The following TUSC3 variants were observed in gnomAD, a reference collection of about 807,000 sequenced individuals.
TUSC3 encodes tumor suppressor candidate 3.
Under a neutral mutation model 44.8 loss-of-function variants are expected in TUSC3, and 45 were observed. The ratio of observed to expected loss-of-function variants is 1.00; its 90% confidence interval spans 0.79 to 1.29. The LOEUF is 1.29. TUSC3 is among the 50% of genes most tolerant of loss of function. The pLI is 0.00. For synonymous variants in TUSC3, 212 were observed against 152.9 expected, an observed-to-expected ratio of 1.39 and a Z score of -2.85; for missense variants, 519 against 437.9, an observed-to-expected ratio of 1.19 and a Z score of -1.65.
chr8:15,641,359 C>G (rs1189752098), intron 2 of TUSC3, among the ~76,000 whole-genome samples: 1 of 86,602 alleles, frequency 1.2e-5, no homozygotes, highest in South Asian at 3.8e-4. Flanking sequence ...GAGACTCCGT[C>G]TCAAAAAAAA....
chr8:15,844,995 A>T, the TUSC3 span, among the ~76,000 whole-genome samples: 1 of 152,198 alleles, frequency 6.6e-6, no homozygotes, highest in Non-Finnish European at 1.5e-5. Flanking sequence ...AAAAAAATAC[A>T]ATAGAAACAG....
intron 1 of TUSC3, among the ~76,000 whole-genome samples, chr8:15,550,594 C>A (rs985351070): frequency 6.6e-6 from 1 of 151,556 alleles, no homozygotes; most frequent in African/African-American, 2.4e-5. Flanking sequence ...CCTGTCCTTT[C>A]GCCACTTTCA....
At chr8:15,642,598 A>G (rs1806422950) in intron 2 of TUSC3, among the ~76,000 whole-genome samples, 1 of 152,140 alleles carries the variant, frequency 6.6e-6, no homozygotes, top group Non-Finnish European at 1.5e-5. Context: ...TCTTTACCAC[A>G]TGAAGCTGAA....
At chr8:15,457,817 ATAAT>A (rs1188545983) in intron 1 of TUSC3, among the ~76,000 whole-genome samples, 7 of 58,152 alleles carry the variant, frequency 1.2e-4, no homozygotes, top group South Asian at 3.8e-4. Context: ...AATTTATTAG[ATAAT>A]TAATTATTAA....
chr8:15,703,362 A>AT (rs1234816278), intron 6 of TUSC3, among the ~76,000 whole-genome samples: 1 of 152,018 alleles, frequency 6.6e-6, no homozygotes, highest in Non-Finnish European at 1.5e-5. Flanking sequence ...CTAAGTGGGA[A>AT]TTTTTTCTTC....
chr8:15,570,125 T>A (rs1026372227), intron 1 of TUSC3, among the ~76,000 whole-genome samples: 5 of 152,150 alleles, frequency 3.3e-5, no homozygotes, highest in African/African-American at 9.7e-5. Flanking sequence ...GTCCATCGCA[T>A]TATAAATTCT....
In TUSC3 at chr8:15,533,085, C is replaced by T. The variant is rs1047092157; in HGVS notation, n.189+49602C>T. ...GGATTACAGGTATGAGCCACCACGC[C>T]CAGACCGATTTGATAGTTTTAAAAA... On this transcript the variant is annotated intron_variant and non_coding_transcript_variant, in intron 2 of 5. Coordinates refer to the TUSC3 transcript ENST00000503191. Among the ~76,000 whole-genome samples, 16 of 152,200 alleles carry T rather than the reference C, an allele frequency of 1.1e-4. 1 individual carries two copies. Among genetic ancestry groups the T allele is most frequent in the Non-Finnish European group, 1.9e-4 (13 of 68,044 alleles).
chr8:15,560,419 C>G (rs1329534184), intron 1 of TUSC3, among the ~76,000 whole-genome samples: 9 of 146,676 alleles, frequency 6.1e-5, no homozygotes, highest in Non-Finnish European at 1.1e-4. Flanking sequence ...CGACCTTTCT[C>G]TCTGGCTGCC....
At chr8:15,775,201 G>C in the TUSC3 span, among the ~76,000 whole-genome samples, 2 of 152,112 alleles carry the variant, frequency 1.3e-5, no homozygotes. Flanking sequence ...AAAGATGCCA[G>C]ATACGAAAAG....
intron 6 of TUSC3, among the ~76,000 whole-genome samples, chr8:15,703,396 A>C (rs1168326214): frequency 2.0e-5 from 3 of 152,076 alleles, no homozygotes; most frequent in Non-Finnish European, 2.9e-5. Flanking sequence ...TTTGGGTTGC[A>C]GTTGAGTTGG....
chr8:15,828,077 C>T, the TUSC3 span, among the ~76,000 whole-genome samples: 1 of 150,506 alleles, frequency 6.6e-6, no homozygotes, highest in East Asian at 2.0e-4. Context: ...TCACTGCAAC[C>T]TCCACCTCCC....
At chr8:15,619,733 A>G (rs1227742472) in intron 1 of TUSC3, among the ~76,000 whole-genome samples, 1 of 152,104 alleles carries the variant, frequency 6.6e-6, no homozygotes, top group African/African-American at 2.4e-5. Context: ...GATGGTCTCC[A>G]TCTCCTGACC....
intron 9 of TUSC3, among the ~76,000 whole-genome samples, chr8:15,755,755 G>T (rs764815958): frequency 1.1e-4 from 16 of 152,048 alleles, no homozygotes; most frequent in Non-Finnish European, 2.4e-4. Flanking sequence ...AAAGTAGAAG[G>T]TGTTATGTTC....
rs150930557 is a variant in TUSC3 at position 15,485,561 on chromosome 8, C to T, written n.189+2078C>T. Among the ~76,000 whole-genome samples, 1,264 of 147,918 alleles carry T rather than the reference C, an allele frequency of 8.5e-3. 8 individuals are homozygous for T. The highest frequency in any genetic ancestry group is 0.012 in the Non-Finnish European group (830 of 67,634). Reference sequence around the variant, plus strand: ...TGCTCCTCCTCATTGGGCCTACAAACACGAGCTAAACAAAGAGACAGATAC... The same window carrying T: ...TGCTCCTCCTCATTGGGCCTACAAATACGAGCTAAACAAAGAGACAGATAC... On this transcript the variant is annotated intron_variant and non_coding_transcript_variant, in intron 2 of 5. Transcript: ENST00000503191.
the TUSC3 span, among the ~76,000 whole-genome samples, chr8:15,788,064 CTG>C: frequency 6.6e-6 from 1 of 152,174 alleles, no homozygotes; most frequent in Non-Finnish European, 1.5e-5. Context: ...CCCTGTCCCT[CTG>C]TAGTCCTTCC....
chr8:15,445,690 A>T (rs1044876734), intron 1 of TUSC3, among the ~76,000 whole-genome samples: 1 of 152,234 alleles, frequency 6.6e-6, no homozygotes, highest in African/African-American at 2.4e-5. Context: ...AGTACAAAAC[A>T]AAATGGAGTC....
intron 1 of TUSC3, among the ~76,000 whole-genome samples, chr8:15,582,744 A>G (rs1044102456): frequency 3.9e-5 from 6 of 152,226 alleles, no homozygotes; most frequent in African/African-American, 1.4e-4. Flanking sequence ...GTTTTATCTA[A>G]TAGCTGCTGG....
chr8:15,517,991 A>G (rs1413730426), intron 2 of TUSC3, among the ~76,000 whole-genome samples: 1 of 151,380 alleles, frequency 6.6e-6, no homozygotes, highest in Non-Finnish European at 1.5e-5. Flanking sequence ...AACAAAAAAA[A>G]ACCCCCATAC....
intron 2 of TUSC3, among the ~76,000 whole-genome samples, chr8:15,508,508 C>T (rs1241880235): frequency 1.7e-5 from 2 of 119,594 alleles, no homozygotes; most frequent in Admixed American, 1.2e-4. Context: ...GTTGCCCAGG[C>T]TGGAGTGCAG....
Sources: gnomAD v4.1 joint callset for allele counts (sites outside exome capture counted in the v4.1 genomes callset) on GRCh38, gnomAD v4.1.1 for gene constraint, MANE v1.5 for transcripts, NCBI Gene and HGNC (gene_info 2026-07-23, HGNC 2026-07-21) for gene names.